Variants in FOXP2 observed in about 807,000 individuals in gnomAD.
FOXP2 encodes forkhead box P2.
In FOXP2, 12 loss-of-function variants were observed where a neutral mutation model predicts 115.8. The observed-to-expected ratio is 0.10, with a 90% CI of 0.07 to 0.17. The LOEUF is 0.17. Ranked by LOEUF, FOXP2 falls within the 10% of genes least tolerant of loss-of-function variation. FOXP2 has a pLI of 1.00. For missense variants in FOXP2, 629 were observed against 843.5 expected (o/e 0.75, Z 3.15); for synonymous variants, 328 against 297.7 (o/e 1.10, Z -1.05).
chr7:114,413,532 G>GA (rs1210101449), upstream of FOXP2, among the ~76,000 whole-genome samples: 1 of 151,880 alleles, frequency 6.6e-6, no homozygotes, highest in East Asian at 1.9e-4. Context: ...ACTATAAAAT[G>GA]AAAAAAATTG....
At chr7:114,662,253 G>A (rs1202637859) in intron 14 of FOXP2, 67 bp downstream of exon 14, 4 of 1,602,600 alleles carry the variant, frequency 2.5e-6, no homozygotes, top group Middle Eastern at 1.7e-4. Flanking sequence ...ACTTTAAGTT[G>A]GGGCTGGGGT....
chr7:114,616,953 G>A (rs879934986), intron 3 of FOXP2, among the ~76,000 whole-genome samples: 2 of 152,184 alleles, frequency 1.3e-5, no homozygotes, highest in African/African-American at 2.4e-5. Flanking sequence ...AGGCATGGCA[G>A]TGCACACCTG....
intron 2 of FOXP2, among the ~76,000 whole-genome samples, chr7:114,351,244 A>C (rs982882179): frequency 3.3e-5 from 5 of 152,168 alleles, no homozygotes; most frequent in Non-Finnish European, 7.4e-5. Flanking sequence ...AAAACAGAGA[A>C]CTATTAGAAT....
chr7:114,516,043 GA>G (rs1798324967), intron 2 of FOXP2, among the ~76,000 whole-genome samples: 1 of 152,044 alleles, frequency 6.6e-6, no homozygotes, highest in African/African-American at 2.4e-5. Flanking sequence ...TTTCTTCACA[GA>G]ATTGGAAAAA....
chr7:114,500,700 G>T (rs1254242057), intron 2 of FOXP2, among the ~76,000 whole-genome samples: 1 of 152,136 alleles, frequency 6.6e-6, no homozygotes, highest in Non-Finnish European at 1.5e-5. Flanking sequence ...TTTAGTGGTA[G>T]AATCAGGGCT....
intron 3 of FOXP2, among the ~76,000 whole-genome samples, chr7:114,627,233 A>G (rs1334028902): frequency 6.6e-6 from 1 of 151,700 alleles, no homozygotes; most frequent in Non-Finnish European, 1.5e-5. Flanking sequence ...GAAAAGTTTG[A>G]ACTGCATTAA....
rs147851941 is a variant in FOXP2, at chr7:114,664,353, C to T, written c.1920C>T (p.Ala640=). The T allele has an allele frequency of 1.4e-4, 232 of 1,613,614 alleles. 1 individual carries two copies. Among genetic ancestry groups the T allele is most frequent in the Middle Eastern group, 1.2e-3 (7 of 6,056 alleles). The part of the protein sequence containing the change: ...INNASSGLLQ[A]VHEDLNGSLD... ...ATGCATCCAGTGGCCTACTGCAGGCCGTCCACGAAGACCTCAATGGTTCTC... is the reference window on the plus strand; with the variant it reads ...ATGCATCCAGTGGCCTACTGCAGGCTGTCCACGAAGACCTCAATGGTTCTC... The change falls in exon 16 of 17, where the codon GCC becomes GCT. Residue 640 remains alanine, a synonymous_variant. Coordinates refer to ENST00000350908, the MANE Select transcript of FOXP2 (RefSeq NM_014491.4).
Position 114,653,977 on chromosome 7 carries a change from C to A in FOXP2, c.1234C>A (p.Arg412=), listed in dbSNP as rs1806431895. 2 of 1,613,328 alleles carry A rather than the reference C, an allele frequency of 1.2e-6. No homozygotes were observed. Among genetic ancestry groups the A allele is most frequent in the Non-Finnish European group, 1.7e-6 (2 of 1,179,450 alleles). Reference sequence around the variant, plus strand: ...AGCAATGATGACCCACTTGCACATGCGACCCTCAGAGCCCAAACCATCTCC... The same window carrying A: ...AGCAATGATGACCCACTTGCACATGAGACCCTCAGAGCCCAAACCATCTCC... ...LQAMMTHLHM[R]PSEPKPSPKP... The change falls in exon 10 of 17, where the codon CGA becomes AGA. Residue 412 remains arginine (R), a synonymous_variant. Coordinates refer to ENST00000350908, the MANE Select transcript of FOXP2 (RefSeq NM_014491.4).
intron 1 of FOXP2, among the ~76,000 whole-genome samples, chr7:114,283,972 G>GCAAAA (rs1465731878): frequency 6.6e-6 from 1 of 151,816 alleles, no homozygotes; most frequent in Non-Finnish European, 1.5e-5. Context: ...AAAAAGAAGA[G>GCAAAA]CAAAACAAAA....
intron 1 of FOXP2, among the ~76,000 whole-genome samples, chr7:114,177,082 C>T (rs901252624): frequency 6.6e-6 from 1 of 152,114 alleles, no homozygotes; most frequent in Admixed American, 6.5e-5. Flanking sequence ...CATTTACTTA[C>T]ATTCATTCTA....
At chr7:114,464,132 G>C (rs1434296010) in intron 2 of FOXP2, among the ~76,000 whole-genome samples, 2 of 152,140 alleles carry the variant, frequency 1.3e-5, no homozygotes, top group Non-Finnish European at 2.9e-5. Context: ...AATGAGGTTT[G>C]TGAAACTGCA....
At chr7:114,185,038 A>G (rs1793555642) in intron 1 of FOXP2, among the ~76,000 whole-genome samples, 1 of 152,182 alleles carries the variant, frequency 6.6e-6, no homozygotes, top group African/African-American at 2.4e-5. Flanking sequence ...CTTTAAGCCT[A>G]TCTTAAACTT....
chr7:114,611,966 A>G (rs75273999), intron 3 of FOXP2, among the ~76,000 whole-genome samples: 21,316 of 152,164 alleles, frequency 0.14, 1,875 homozygotes, highest in African/African-American at 0.25. Context: ...AATGGAATAA[A>G]AATGAAAAAT....
chr7:114,667,797 T>G (rs1467840352), intron 16 of FOXP2: 1 of 152,088 alleles, frequency 6.6e-6, no homozygotes, highest in Non-Finnish European at 1.5e-5. Context: ...AATCTAAAAG[T>G]GTACTGAATG....
intron 1 of FOXP2, among the ~76,000 whole-genome samples, chr7:114,219,959 C>T (rs1359935170): frequency 1.3e-5 from 2 of 151,778 alleles, no homozygotes; most frequent in African/African-American, 4.8e-5. Context: ...CTCCGCCTCC[C>T]GGGTTCAAGA....
intron 2 of FOXP2, among the ~76,000 whole-genome samples, chr7:114,404,855 C>A (rs1051660071): frequency 6.6e-6 from 1 of 151,758 alleles, no homozygotes; most frequent in African/African-American, 2.4e-5. Context: ...TCATTTTTAC[C>A]CTTTTATTTT....
At chr7:114,356,314 T>C (rs1381623016) in intron 2 of FOXP2, among the ~76,000 whole-genome samples, 1 of 152,192 alleles carries the variant, frequency 6.6e-6, no homozygotes, top group East Asian at 1.9e-4. Flanking sequence ...TAGTGACTAA[T>C]CTGGGAAATG....
intron 2 of FOXP2, among the ~76,000 whole-genome samples, chr7:114,440,481 C>T (rs541909926): frequency 4.6e-5 from 7 of 152,090 alleles, no homozygotes; most frequent in Admixed American, 3.3e-4. Flanking sequence ...TTCCTGAAGT[C>T]GTTATATTAT....
At chr7:114,630,394 G>T (rs963582182) in intron 5 of FOXP2, among the ~76,000 whole-genome samples, 1 of 152,114 alleles carries the variant, frequency 6.6e-6, no homozygotes, top group African/African-American at 2.4e-5. Flanking sequence ...GGGAGACTAA[G>T]GGAGAAACTG....
Sources: gnomAD v4.1 joint callset for allele counts (sites outside exome capture counted in the v4.1 genomes callset) on GRCh38, gnomAD v4.1.1 for gene constraint, MANE v1.5 for transcripts, NCBI Gene and HGNC (gene_info 2026-07-23, HGNC 2026-07-21) for gene names.